Variants in SLC13A1 observed in about 807,000 individuals in gnomAD.
The protein encoded by SLC13A1 is Na(+)/sulfate cotransporter.
A neutral mutation model predicts 70.0 loss-of-function variants in SLC13A1; 65 were observed. The ratio of observed to expected loss-of-function variants is 0.93; its 90% CI spans 0.76 to 1.14. SLC13A1 has a LOEUF of 1.14. Ranked by LOEUF, SLC13A1 falls within the 50% of genes most tolerant of loss-of-function variation. The probability of loss-of-function intolerance (pLI) is 0.00; values close to 1 mark genes in which losing one functional copy is unlikely to be tolerated. For synonymous variants in SLC13A1, 275 were observed against 250.5 expected (o/e 1.10, Z -0.92); for missense variants, 726 against 717.8 (o/e 1.01, Z -0.13).
At chr7:123,135,765 A>G (rs1470892090) in intron 7 of SLC13A1, among the ~76,000 whole-genome samples, 2 of 152,190 alleles carry the variant, frequency 1.3e-5, no homozygotes, top group Admixed American at 6.5e-5. Context: ...ATGAAAAGCT[A>G]TTAATCTCCC....
At chr7:123,187,161 G>A (rs1303817525) in intron 1 of SLC13A1, among the ~76,000 whole-genome samples, 1 of 152,018 alleles carries the variant, frequency 6.6e-6, no homozygotes, top group Non-Finnish European at 1.5e-5. Flanking sequence ...ATGTCATGTC[G>A]CTTAACCCTG....
At chr7:123,179,546 C>T (rs1411807081) in intron 2 of SLC13A1, among the ~76,000 whole-genome samples, 2 of 152,108 alleles carry the variant, frequency 1.3e-5, no homozygotes, top group Non-Finnish European at 2.9e-5. Flanking sequence ...GCCATTGGCA[C>T]CTACAATTTT....
In SLC13A1 at chr7:123,115,665, G is replaced by A; in HGVS notation, c.1651-10C>T. On this transcript the variant is annotated splice_polypyrimidine_tract_variant and intron_variant, in intron 14 of 14. Coordinates refer to ENST00000194130, the MANE Select transcript of SLC13A1 (RefSeq NM_022444.4). ...CAAGTCCAGCTTTAACCTTGAACAG[G>A]AAAGAGCATAAATGTCAGTGTCCCA... is the stretch of plus-strand genomic sequence containing the variant. 1 of 1,613,206 alleles carries A rather than the reference G, an allele frequency of 6.2e-7. No homozygotes were observed. Among genetic ancestry groups the A allele is most frequent in the East Asian group, 2.2e-5 (1 of 44,854 alleles).
At chr7:123,192,669 A>G (rs1278450784) in intron 1 of SLC13A1, among the ~76,000 whole-genome samples, 1 of 152,132 alleles carries the variant, frequency 6.6e-6, no homozygotes, top group Non-Finnish European at 1.5e-5. Flanking sequence ...AAAAAAGGAG[A>G]AAAATCATGC....
intron 2 of SLC13A1, 125 bp from the exon 3 acceptor site, chr7:123,172,029 G>GA (rs1237500773): frequency 2.5e-6 from 2 of 808,458 alleles, no homozygotes; most frequent in African/African-American, 3.5e-5. Flanking sequence ...ATTTTGTTGA[G>GA]AAAAATGTAG....
At chr7:123,139,804 G>C (rs967315040) in intron 7 of SLC13A1, among the ~76,000 whole-genome samples, 5 of 151,968 alleles carry the variant, frequency 3.3e-5, no homozygotes, top group African/African-American at 1.2e-4. Flanking sequence ...AGTTCTAACA[G>C]TTTTTTGGTG....
intron 12 of SLC13A1, among the ~76,000 whole-genome samples, chr7:123,122,387 G>A (rs1207568613): frequency 6.6e-6 from 1 of 152,078 alleles, no homozygotes; most frequent in Non-Finnish European, 1.5e-5. Flanking sequence ...ATGAAAACCA[G>A]AATGAGTGGT....
intron 6 of SLC13A1, 145 bp downstream of exon 6, chr7:123,168,229 A>G: frequency 3.7e-6 from 2 of 538,990 alleles, no homozygotes; most frequent in Non-Finnish European, 6.6e-6. Context: ...AGTTTATCAA[A>G]CCATTACACC....
chr7:123,166,477 T>C (rs951426444), intron 6 of SLC13A1, among the ~76,000 whole-genome samples: 3 of 152,238 alleles, frequency 2.0e-5, no homozygotes, highest in East Asian at 1.9e-4. Context: ...ATGTGCCATG[T>C]TGGTGTGCTG....
rs1303306027 is a variant in SLC13A1 at position 123,147,317 on chromosome 7, A to G, written c.661-7T>C. The stretch of plus-strand genomic sequence containing the variant: ...TGGTTCTCATGCCTGAGTTCTGTTC[A>G]ACAACAACAAAAAACTACCATGAGA... On this transcript the variant is annotated splice_polypyrimidine_tract_variant and splice_region_variant and intron_variant, in intron 6 of 14. Transcript: ENST00000194130. 1 of 1,612,540 alleles carries G rather than the reference A, an allele frequency of 6.2e-7. No homozygotes were observed. Among genetic ancestry groups the G allele is most frequent in the Non-Finnish European group, 8.5e-7 (1 of 1,179,362 alleles).
In SLC13A1 at chr7:123,147,291, T is replaced by G; in HGVS notation, c.680A>C (p.Lys227Thr). 1 of 1,613,504 alleles carries G rather than the reference T, an allele frequency of 6.2e-7. No individual in the cohort carries two copies. Among genetic ancestry groups the G allele is most frequent in the South Asian group, 1.1e-5 (1 of 91,022 alleles). Residue 227 changes from lysine (K) to threonine (T), a missense_variant, in exon 7 of 15, where the codon AAA (lysine) becomes ACA (threonine). Physicochemically the swap from Lys to Thr is moderately conservative, Grantham distance 78 (BLOSUM62 -1). Transcript: ENST00000194130. ...ELEKNSGMRT[K>T]YRTKKGHVTR... ...CACGTGGCCCTTCTTTGTTCGATAT[T>G]TGGTTCTCATGCCTGAGTTCTGTTC...
intron 8 of SLC13A1, among the ~76,000 whole-genome samples, chr7:123,134,030 G>A (rs971385401): frequency 2.0e-5 from 3 of 151,614 alleles, no homozygotes; most frequent in African/African-American, 7.3e-5. Flanking sequence ...GGTTTTTTTT[G>A]TTGTTTTGTT....
chr7:123,143,824 A>T (rs1794246396), intron 7 of SLC13A1, among the ~76,000 whole-genome samples: 1 of 152,072 alleles, frequency 6.6e-6, no homozygotes, highest in African/African-American at 2.4e-5. Context: ...TTTCTTCCTG[A>T]ACTGTTGACC....
intron 1 of SLC13A1, among the ~76,000 whole-genome samples, chr7:123,181,851 T>G (rs1446748061): frequency 2.0e-5 from 3 of 151,958 alleles, no homozygotes; most frequent in Non-Finnish European, 2.9e-5. Context: ...TATTTTGCTC[T>G]CACAGTGCTT....
At position 123,175,940 on chromosome 7, in the gene SLC13A1, C is replaced by A. The variant is rs1795433353; in HGVS notation, c.229-4036G>T. Among the ~76,000 whole-genome samples the A allele has an allele frequency of 2.6e-5, 4 of 152,126 alleles. No individual in the cohort carries two copies. The South Asian group carries it at 8.3e-4, about 31-fold the overall frequency. ...GAGGAGTTAGCATATTGTAGAGGGCCAAGCAGTAAATATTCTAGACTTTTT... is the reference window on the plus strand; with the variant it reads ...GAGGAGTTAGCATATTGTAGAGGGCAAAGCAGTAAATATTCTAGACTTTTT... On this transcript the variant is annotated intron_variant, in intron 2 of 14. Coordinates refer to ENST00000194130, the MANE Select transcript of SLC13A1 (RefSeq NM_022444.4).
chr7:123,139,417 T>C (rs1794058204), intron 7 of SLC13A1, among the ~76,000 whole-genome samples: 1 of 152,068 alleles, frequency 6.6e-6, no homozygotes, highest in Non-Finnish European at 1.5e-5. Flanking sequence ...TTGTTCCATA[T>C]AAATTTTAGG....
At chr7:123,139,744 A>G (rs1463608773) in intron 7 of SLC13A1, among the ~76,000 whole-genome samples, 5 of 152,008 alleles carry the variant, frequency 3.3e-5, no homozygotes, top group African/African-American at 9.7e-5. Context: ...AATGCTACTG[A>G]TTTTTGTTTG....
rs375233238 is a variant in SLC13A1, at chr7:123,160,542, A to C, written c.660+7832T>G. 1.4e-4 allele frequency among the ~76,000 whole-genome samples: 21 copies of C among 152,260 alleles called. No individual in the cohort carries two copies. In the East Asian group the frequency reaches 4.1e-3, roughly 29 times the overall value. On this transcript the variant is annotated intron_variant, in intron 6 of 14. Transcript: ENST00000194130. ...CTCATCAGTTGCTGAATAAAAAGAGACAAAACTTGGTCAGAGCACAGAGAT... is the reference window on the plus strand; with the variant it reads ...CTCATCAGTTGCTGAATAAAAAGAGCCAAAACTTGGTCAGAGCACAGAGAT...
chr7:123,181,882 T>C (rs1400171643), intron 1 of SLC13A1, among the ~76,000 whole-genome samples: 1 of 152,188 alleles, frequency 6.6e-6, no homozygotes, highest in Admixed American at 6.5e-5. Flanking sequence ...AATTCTGAGT[T>C]GCATTTGAAA....
Sources: gnomAD v4.1 joint callset for allele counts (sites outside exome capture counted in the v4.1 genomes callset) on GRCh38, gnomAD v4.1.1 for gene constraint, MANE v1.5 for transcripts, NCBI Gene and HGNC (gene_info 2026-07-23, HGNC 2026-07-21) for gene names.